STARD10: variants seen among roughly 807,000 people sequenced by gnomAD.
The protein encoded by STARD10 is START domain-containing protein 10.
STARD10 carries 24 observed loss-of-function variants against 36.0 expected under a neutral mutation model. The observed-to-expected ratio is 0.67, with a 90% CI of 0.48 to 0.94. STARD10 has a LOEUF of 0.94. Among genes scored for constraint, STARD10 ranks in the 40% least tolerant of loss-of-function variants. STARD10 has a pLI of 0.00. For synonymous variants in STARD10, 156 were observed against 161.9 expected (o/e 0.96, Z 0.28); for missense variants, 335 against 396.6 (o/e 0.84, Z 1.32).
chr11:72,781,401 G>A lies in STARD10; in HGVS notation c.-113-107C>T, dbSNP rs1858995992. ...GGAGAGAGGTAGGGGCTGGCCCCAGGGAAGGGCGGACGGGCGCTGGACAGC... is the reference window on the plus strand; with the variant it reads ...GGAGAGAGGTAGGGGCTGGCCCCAGAGAAGGGCGGACGGGCGCTGGACAGC... On this transcript the variant is annotated intron_variant, in intron 1 of 6. Transcript: ENST00000334805. This position sits in a 1 kb window ranked among gnomAD's most constrained non-coding sequence, Gnocchi z 4.7. The A allele has an allele frequency of 3.5e-6, 2 of 570,960 alleles. No homozygotes were observed. The highest frequency in any genetic ancestry group is 3.0e-5 in the Admixed American group (1 of 32,922). The allele number at this position is 570,960 out of a possible 1,614,324, so 35.4% of individuals were successfully genotyped here. A position where few individuals can be genotyped will look rare whatever the true frequency, so the allele number is the denominator to read the frequency against.
intron 1 of STARD10, among the ~76,000 whole-genome samples, chr11:72,783,108 G>A (rs1175847469): frequency 6.6e-6 from 1 of 152,146 alleles, no homozygotes; most frequent in Non-Finnish European, 1.5e-5. Context: ...AGAAAAAAAC[G>A]AGGAGTCGAG....
chr11:72,769,304 T>C (rs1858829267), intron 2 of STARD10, among the ~76,000 whole-genome samples: 1 of 152,084 alleles, frequency 6.6e-6, no homozygotes, highest in East Asian at 1.9e-4. Context: ...AGGTACTCAC[T>C]GCTTATGAAG....
chr11:72,785,078 T>A (rs1859054503), intron 1 of STARD10, among the ~76,000 whole-genome samples: 1 of 152,136 alleles, frequency 6.6e-6, no homozygotes, highest in Admixed American at 6.5e-5. Context: ...TTTTGTTCAC[T>A]ACCCCCTGAT....
intron 2 of STARD10, among the ~76,000 whole-genome samples, chr11:72,770,435 C>G (rs1210951390): frequency 2.0e-5 from 3 of 152,198 alleles, no homozygotes; most frequent in Non-Finnish European, 4.4e-5. Flanking sequence ...CCAGAATGGT[C>G]TCAAACTCCT....
At position 72,780,989 on chromosome 11, in the gene STARD10, G is replaced by A. The variant is rs1431293495; in HGVS notation, c.193C>T (p.Leu65=). 6.2e-7 allele frequency: 1 copy of A among 1,614,188 alleles called. No individual in the cohort carries two copies. The highest frequency in any genetic ancestry group is 1.6e-4 in the Middle Eastern group (1 of 6,062). ...WVQAVEMDRT[L]HKIKCRMECC... ...GGCAACCCTACCTTGATCTTGTGCA[G>A]CGTCCGATCCATCTCCACAGCCTGC... The change falls in exon 2 of 7, where the codon CTG becomes TTG. Residue 65 remains leucine, a synonymous_variant. Transcript: ENST00000334805.
Position 72,781,068 on chromosome 11 carries a change from C to G in STARD10, c.114G>C (p.Glu38Asp). Residue 38 changes from glutamate to aspartate, a missense_variant, in exon 2 of 7, where the codon GAG becomes GAC. Transcript: ENST00000334805. This position sits in a 1 kb window ranked among gnomAD's most constrained non-coding sequence, Gnocchi z 4.7. ...AGGTCAGGTTCCAGCCCACCTCAGCCTCACACTCTGACCGGAAGCTGCGAA... is the reference window on the plus strand; with the variant it reads ...AGGTCAGGTTCCAGCCCACCTCAGCGTCACACTCTGACCGGAAGCTGCGAA... The part of the protein sequence containing the change: ...QDFRSFRSEC[E>D]AEVGWNLTYS... 1 of 1,614,186 alleles carries G rather than the reference C, an allele frequency of 6.2e-7. No homozygotes were observed. The highest frequency in any genetic ancestry group is 8.5e-7 in the Non-Finnish European group (1 of 1,180,046).
chr11:72,780,208 C>T (rs1487642989), intron 2 of STARD10: 13 of 438,692 alleles, frequency 3.0e-5, no homozygotes, highest in African/African-American at 6.1e-5. Context: ...GATATGCGTT[C>T]CCAGGGTCCC....
At chr11:72,775,889 C>G (rs1296388322) in intron 2 of STARD10, among the ~76,000 whole-genome samples, 2 of 152,198 alleles carry the variant, frequency 1.3e-5, no homozygotes, top group African/African-American at 4.8e-5. Context: ...AGCGAGGACT[C>G]TGGATCCTGG....
chr11:72,758,050 C>G lies in STARD10; in HGVS notation c.460-166G>C, dbSNP rs531983701. ...TCTGGGTGCAGAGAAAGGGAAGAAC[C>G]AGAGTAGGTCATCCTAGCCCCTCTT... On this transcript the variant is annotated intron_variant, in intron 4 of 6. Coordinates refer to ENST00000334805, the MANE Select transcript of STARD10 (RefSeq NM_006645.3). 22 of 678,748 alleles carry G rather than the reference C, an allele frequency of 3.2e-5. No individual in the cohort carries two copies. The East Asian group carries it at 5.1e-4, about 16-fold the overall frequency. The allele number at this position is 678,748 out of a possible 1,614,324, so 42.0% of individuals were successfully genotyped here.
chr11:72,783,201 T>G (rs948214428), intron 1 of STARD10, among the ~76,000 whole-genome samples: 6 of 152,124 alleles, frequency 3.9e-5, no homozygotes, highest in East Asian at 1.9e-4. Flanking sequence ...TAGGCCACAT[T>G]TTAAAAATGA....
At chr11:72,771,437 G>C (rs995718772) in intron 2 of STARD10, among the ~76,000 whole-genome samples, 2 of 152,134 alleles carry the variant, frequency 1.3e-5, no homozygotes, top group African/African-American at 4.8e-5. Flanking sequence ...AAAATGACCA[G>C]GCAATCCCTA....
intron 2 of STARD10, among the ~76,000 whole-genome samples, chr11:72,775,916 T>A (rs1858924893): frequency 6.6e-6 from 1 of 151,874 alleles, no homozygotes; most frequent in African/African-American, 2.4e-5. Context: ...TTCCCCAACA[T>A]CCTCAACCCA....
At chr11:72,779,512 T>C (rs1323267830) in intron 2 of STARD10, among the ~76,000 whole-genome samples, 3 of 151,996 alleles carry the variant, frequency 2.0e-5, no homozygotes, top group Non-Finnish European at 2.9e-5. Context: ...CACTTGAACC[T>C]GGGAGGTGGA....
intron 2 of STARD10, chr11:72,780,227 A>T (rs1179269718): frequency 2.4e-6 from 1 of 422,124 alleles, no homozygotes; most frequent in Admixed American, 2.6e-5. Flanking sequence ...CCAAACCCCA[A>T]GCCTGCCCTG....
chr11:72,774,520 G>A (rs1858905722), intron 2 of STARD10, among the ~76,000 whole-genome samples: 1 of 152,218 alleles, frequency 6.6e-6, no homozygotes, highest in South Asian at 2.1e-4. Context: ...AGGGCATCAA[G>A]GCCAGTCCAA....
chr11:72,757,941 T>C, intron 4 of STARD10, 57 bp from the exon 5 acceptor site: 1 of 1,500,238 alleles, frequency 6.7e-7, no homozygotes, highest in African/African-American at 1.4e-5. Context: ...GAAGATGTTT[T>C]TGTGAGTATA....
At chr11:72,763,838 C>T (rs1194435861) in intron 2 of STARD10, among the ~76,000 whole-genome samples, 2 of 152,194 alleles carry the variant, frequency 1.3e-5, no homozygotes, top group East Asian at 1.9e-4. Context: ...ATGTTCAACA[C>T]GCACTCATTC....
At chr11:72,785,956 G>A (rs7947423) in intron 1 of STARD10, 50,279 of 151,814 alleles carry the variant, frequency 0.33, 8,608 homozygotes, top group Middle Eastern at 0.4. Context: ...AGGTTGTGCA[G>A]GGCAACAAGG....
At chr11:72,780,180 C>A (rs1324364836) in intron 2 of STARD10, 1 of 449,522 alleles carries the variant, frequency 2.2e-6, no homozygotes, top group Non-Finnish European at 4.5e-6. Flanking sequence ...AGCCCCTGCC[C>A]CATCTGGTCC....
Sources: allele counts gnomAD v4.1 joint callset (sites outside exome capture counted in the v4.1 genomes callset), GRCh38; gene constraint gnomAD v4.1.1; non-coding constraint Gnocchi (gnomAD v3.1); transcripts MANE v1.5; gene names NCBI Gene and HGNC (gene_info 2026-07-23, HGNC 2026-07-21).